The following THNSL1 variants were observed in gnomAD, a reference collection of about 807,000 sequenced individuals.
THNSL1 encodes threonine synthase-like 1.
Under a neutral mutation model 50.4 loss-of-function variants are expected in THNSL1, and 48 were observed. That is an observed-to-expected ratio of 0.95 (90% confidence interval 0.76 to 1.21). THNSL1 has a LOEUF of 1.21. Among genes scored for constraint, THNSL1 ranks in the 50% most tolerant of loss-of-function variants. The probability of loss-of-function intolerance (pLI) is 0.00; values close to 1 mark genes in which losing one functional copy is unlikely to be tolerated. For synonymous variants in THNSL1, 309 were observed against 306.1 expected (o/e 1.01, Z -0.10); for missense variants, 896 against 871.7 (o/e 1.03, Z -0.35).
upstream of THNSL1, among the ~76,000 whole-genome samples, chr10:25,011,785 C>T (rs1444729540): frequency 6.6e-6 from 1 of 152,152 alleles, no homozygotes; most frequent in Non-Finnish European, 1.5e-5. Flanking sequence ...AAATTTGCAG[C>T]CCGATGATGC....
In THNSL1 at chr10:25,025,144, C is replaced by CCA; in HGVS notation, c.1927_1928dup (p.Ala644LeufsTer18). On this transcript the variant is annotated frameshift_variant, in exon 3 of 3. Coordinates refer to ENST00000376356, the MANE Select transcript of THNSL1 (RefSeq NM_024838.5). LOFTEE classifies it high-confidence loss of function. ...TAATACTTCAGGGTATATTTTGGAT[C>CCA]CACACACTGCTGTTGCAAAAGTGGT... 6.2e-7 allele frequency: 1 copy of CCA among 1,614,184 alleles called. No homozygotes were observed. Among genetic ancestry groups the CCA allele is most frequent in the Non-Finnish European group, 8.5e-7 (1 of 1,180,032 alleles).
chr10:25,011,316 T>C, the THNSL1 span, among the ~76,000 whole-genome samples: 1 of 152,202 alleles, frequency 6.6e-6, no homozygotes, highest in African/African-American at 2.4e-5. Context: ...TGTACATTTG[T>C]TTGAGTTCAT....
At chr10:25,018,106 A>G (rs537233344) in intron 1 of THNSL1, among the ~76,000 whole-genome samples, 4 of 152,316 alleles carry the variant, frequency 2.6e-5, no homozygotes, top group East Asian at 1.9e-4. Context: ...TGATGTCTGT[A>G]TATTTATTAT....
chr10:24,954,685 A>G, the THNSL1 span, among the ~76,000 whole-genome samples: 1 of 152,222 alleles, frequency 6.6e-6, no homozygotes, highest in African/African-American at 2.4e-5. Context: ...AGGTCATCCT[A>G]TAAAGGGCAC....
At chr10:25,005,509 C>A in the THNSL1 span, among the ~76,000 whole-genome samples, 1 of 152,082 alleles carries the variant, frequency 6.6e-6, no homozygotes, top group African/African-American at 2.4e-5. Context: ...GGATTAACAA[C>A]TTTTCTTTTT....
chr10:24,969,662 T>C, the THNSL1 span, among the ~76,000 whole-genome samples: 1 of 152,344 alleles, frequency 6.6e-6, no homozygotes, highest in East Asian at 1.9e-4. Context: ...GTGCTGTCCA[T>C]AGTTACAAAG....
upstream of THNSL1, among the ~76,000 whole-genome samples, chr10:25,012,522 G>A (rs530528245): frequency 2.4e-4 from 36 of 152,348 alleles, no homozygotes; most frequent in Non-Finnish European, 4.0e-4. Context: ...TTGCATCAGC[G>A]TGACCTGGAT....
the THNSL1 span, among the ~76,000 whole-genome samples, chr10:25,005,660 A>G: frequency 6.6e-6 from 1 of 152,226 alleles, no homozygotes; most frequent in East Asian, 1.9e-4. Flanking sequence ...AAGTCCACCT[A>G]CAGACTTGAA....
the THNSL1 span, among the ~76,000 whole-genome samples, chr10:24,973,211 A>G: frequency 6.6e-6 from 1 of 152,054 alleles, no homozygotes; most frequent in African/African-American, 2.4e-5. Context: ...CAGCAGCACT[A>G]CTCCTGCACT....
At chr10:24,961,144 C>T in the THNSL1 span, among the ~76,000 whole-genome samples, 359 of 152,320 alleles carry the variant, frequency 2.4e-3, no homozygotes, top group Non-Finnish European at 4.0e-3. Flanking sequence ...TTGGTGCCTT[C>T]TTCCAGTTTT....
At chr10:25,015,005 T>C (rs909279459), upstream of THNSL1, among the ~76,000 whole-genome samples, 1 of 152,230 alleles carries the variant, frequency 6.6e-6, no homozygotes, top group African/African-American at 2.4e-5. Flanking sequence ...GGCCCGATTT[T>C]TAGTCCAGTC....
the THNSL1 span, among the ~76,000 whole-genome samples, chr10:24,989,749 T>C: frequency 6.6e-6 from 1 of 152,222 alleles, no homozygotes; most frequent in Admixed American, 6.5e-5. Context: ...AATGGCTTCG[T>C]GGGATGCTTT....
At chr10:24,958,599 A>G in the THNSL1 span, among the ~76,000 whole-genome samples, 1 of 152,236 alleles carries the variant, frequency 6.6e-6, no homozygotes, top group Non-Finnish European at 1.5e-5. Context: ...TTTGAAGCAG[A>G]CTGGATCCAA....
At chr10:25,016,384 T>C (rs1850573065), upstream of THNSL1, among the ~76,000 whole-genome samples, 1 of 152,228 alleles carries the variant, frequency 6.6e-6, no homozygotes, top group Admixed American at 6.5e-5. Flanking sequence ...AAAATCCTAG[T>C]AGAGACGGCA....
rs1285713723 is a variant in THNSL1, at chr10:25,024,730, G to T, written c.1507G>T (p.Asp503Tyr). The change falls in exon 3 of 3, where the codon GAT (aspartate) becomes TAT (tyrosine). Residue 503 changes from aspartate (D) to tyrosine (Y), a missense_variant. By Grantham distance (160) the Asp-to-Tyr change is radical (BLOSUM62 -3). Transcript: ENST00000376356. The stretch of plus-strand genomic sequence containing the variant: ...ATTTATTTCTTTTGGAAGCCCAGTC[G>T]ATGTCTGTATTCCCACAGGAAACTT... ...QGFISFGSPV[D>Y]VCIPTGNFGN... The T allele has an allele frequency of 1.2e-6, 2 of 1,614,124 alleles. No homozygotes were observed. The highest frequency in any genetic ancestry group is 2.2e-5 in the South Asian group (2 of 91,070).
chr10:25,013,903 T>C (rs952371225), upstream of THNSL1, among the ~76,000 whole-genome samples: 3 of 151,732 alleles, frequency 2.0e-5, no homozygotes, highest in Admixed American at 6.6e-5. Context: ...GATGGCGCCA[T>C]TGCACTCCAG....
the THNSL1 span, among the ~76,000 whole-genome samples, chr10:25,009,062 C>A: frequency 6.6e-6 from 1 of 152,108 alleles, no homozygotes; most frequent in East Asian, 1.9e-4. Context: ...ACAGTGAGAA[C>A]ACATGGACAC....
the THNSL1 span, among the ~76,000 whole-genome samples, chr10:24,995,358 A>C: frequency 6.6e-6 from 1 of 152,202 alleles, no homozygotes; most frequent in African/African-American, 2.4e-5. Flanking sequence ...ACTAACCAAA[A>C]ATATCTTTCA....
At chr10:24,962,604 C>G in the THNSL1 span, among the ~76,000 whole-genome samples, 2 of 152,150 alleles carry the variant, frequency 1.3e-5, no homozygotes, top group Non-Finnish European at 1.5e-5. Flanking sequence ...GTGTAACATA[C>G]ATGTTGAAAG....
Sources: allele counts gnomAD v4.1 joint callset (sites outside exome capture counted in the v4.1 genomes callset), GRCh38; gene constraint gnomAD v4.1.1; transcripts MANE v1.5; gene names NCBI Gene and HGNC (gene_info 2026-07-23, HGNC 2026-07-21).